Variants in SSH2 observed in about 807,000 individuals in gnomAD.
SSH2 encodes protein phosphatase Slingshot homolog 2.
A neutral mutation model predicts 135.2 loss-of-function variants in SSH2; 37 were observed. The observed-to-expected ratio is 0.27, with a 90% CI of 0.21 to 0.36. The LOEUF is 0.36. Ranked by LOEUF, SSH2 falls within the 10% of genes least tolerant of loss-of-function variation. The pLI, the probability that SSH2 is intolerant of heterozygous loss-of-function variation, is 1.00. For missense variants in SSH2, 1,408 were observed against 1,765.3 expected (o/e 0.80, Z 3.63); for synonymous variants, 628 against 646.2 (o/e 0.97, Z 0.43).
intron 3 of SSH2, among the ~76,000 whole-genome samples, chr17:29,748,740 TG>T (rs1157598792): frequency 3.9e-5 from 6 of 152,162 alleles, no homozygotes; most frequent in African/African-American, 1.4e-4. Flanking sequence ...TAAAACTTCT[TG>T]GTTCTAAGCT....
At chr17:29,739,705 A>G (rs993943170) in intron 3 of SSH2, among the ~76,000 whole-genome samples, 15 of 152,208 alleles carry the variant, frequency 9.9e-5, no homozygotes. Context: ...AGGTGATGTT[A>G]GTATATGAAA....
Position 29,678,093 on chromosome 17 carries a change from A to AT in SSH2, c.480-353dup, listed in dbSNP as rs56386467. Among the ~76,000 whole-genome samples, 198 of 136,026 alleles carry AT rather than the reference A, an allele frequency of 1.5e-3. 1 individual carries two copies. The highest frequency in any genetic ancestry group is 4.0e-3 in the South Asian group (17 of 4,232). The allele number at this position is 136,026 out of a possible 152,430, so 89.2% of individuals were successfully genotyped here. ...TACAGTGTCCACCTCGACTCCAAGG[A>AT]TTTTTTTTTTTTTTTTTTGAGATGG... On this transcript the variant is annotated intron_variant, in intron 6 of 15. Transcript: ENST00000540801.
chr17:29,822,057 G>A (rs9909407), intron 2 of SSH2, among the ~76,000 whole-genome samples: 11,260 of 152,210 alleles, frequency 0.074, 1,363 homozygotes, highest in African/African-American at 0.25. Context: ...AAGGGCAAAG[G>A]CCACACTTAA....
chr17:29,675,270 C>G (rs927578827), intron 8 of SSH2, among the ~76,000 whole-genome samples: 1 of 152,116 alleles, frequency 6.6e-6, no homozygotes, highest in Non-Finnish European at 1.5e-5. Context: ...CACCTCCATC[C>G]TATCAATTCT....
At chr17:29,926,571 AT>A (rs1232301864) in intron 1 of SSH2, among the ~76,000 whole-genome samples, 2 of 150,492 alleles carry the variant, frequency 1.3e-5, no homozygotes, top group African/African-American at 4.9e-5. Flanking sequence ...AAAAAAAAAA[AT>A]CTTAAAATAC....
At chr17:29,849,514 A>G (rs994744697) in intron 1 of SSH2, among the ~76,000 whole-genome samples, 6 of 151,310 alleles carry the variant, frequency 4.0e-5, no homozygotes, top group African/African-American at 1.2e-4. Context: ...GGTGCTGCTA[A>G]TCCTTTGTAG....
chr17:29,797,605 C>A (rs2042180304), intron 2 of SSH2, among the ~76,000 whole-genome samples: 1 of 152,088 alleles, frequency 6.6e-6, no homozygotes, highest in Non-Finnish European at 1.5e-5. Context: ...CTATCACGAA[C>A]AAAGTTATTA....
chr17:29,690,469 C>T (rs2038421657), intron 5 of SSH2, among the ~76,000 whole-genome samples: 1 of 151,132 alleles, frequency 6.6e-6, no homozygotes, highest in South Asian at 2.1e-4. Flanking sequence ...CCCCTGTGTG[C>T]ATGATGTAAG....
At chr17:29,748,579 C>T (rs1045563588) in intron 3 of SSH2, among the ~76,000 whole-genome samples, 8 of 152,012 alleles carry the variant, frequency 5.3e-5, no homozygotes, top group African/African-American at 1.4e-4. Flanking sequence ...ACTCAATTAT[C>T]AATTATTCAG....
chr17:29,767,692 T>C (rs576567433), intron 3 of SSH2, among the ~76,000 whole-genome samples: 10 of 152,108 alleles, frequency 6.6e-5, no homozygotes, highest in Non-Finnish European at 1.5e-4. Flanking sequence ...CCCCTACTTA[T>C]CACTATACCT....
At chr17:29,665,881 T>C (rs1314505774) in intron 11 of SSH2, among the ~76,000 whole-genome samples, 3 of 152,208 alleles carry the variant, frequency 2.0e-5, no homozygotes, top group Admixed American at 1.3e-4. Context: ...ACCAATTTTT[T>C]GGTAATCATA....
At chr17:29,846,370 G>T (rs1352730608) in intron 2 of SSH2, among the ~76,000 whole-genome samples, 1 of 152,190 alleles carries the variant, frequency 6.6e-6, no homozygotes, top group African/African-American at 2.4e-5. Flanking sequence ...CATATAAGGA[G>T]ACTGGTACAT....
intron 3 of SSH2, among the ~76,000 whole-genome samples, chr17:29,722,764 AAC>A (rs2039865186): frequency 6.6e-6 from 1 of 152,200 alleles, no homozygotes; most frequent in Non-Finnish European, 1.5e-5. Flanking sequence ...ACACCGTGGG[AAC>A]AGAGTCAAGC....
intron 1 of SSH2, among the ~76,000 whole-genome samples, chr17:29,885,348 TAAAA>T (rs72403205): frequency 0.064 from 8,083 of 127,102 alleles, 282 homozygotes; most frequent in African/African-American, 0.12. Flanking sequence ...TATTGTATCA[TAAAA>T]AAAAAAAAAA....
intron 11 of SSH2, among the ~76,000 whole-genome samples, chr17:29,656,736 T>A (rs577677424): frequency 5.4e-4 from 83 of 152,306 alleles, no homozygotes; most frequent in Non-Finnish European, 1.0e-3. Flanking sequence ...ATCATACTTT[T>A]TCCCCCTGAA....
At chr17:29,655,461 A>T in intron 12 of SSH2, 100 bp downstream of exon 12, 1 of 1,101,518 alleles carries the variant, frequency 9.1e-7, no homozygotes, top group East Asian at 2.4e-5. Context: ...TGCAACTCTT[A>T]AGATTAAAGT....
chr17:29,666,575 C>T (rs893529659), intron 11 of SSH2, among the ~76,000 whole-genome samples: 8 of 151,966 alleles, frequency 5.3e-5, no homozygotes, highest in Non-Finnish European at 8.8e-5. Flanking sequence ...CCCAGCTACT[C>T]GGGAGGCTGA....
chr17:29,817,988 T>G (rs1264643127), intron 2 of SSH2, among the ~76,000 whole-genome samples: 1 of 152,014 alleles, frequency 6.6e-6, no homozygotes, highest in African/African-American at 2.4e-5. Context: ...CAGGGTGGGC[T>G]CAAACTCCTG....
chr17:29,905,000 G>A (rs2066627265), intron 1 of SSH2, among the ~76,000 whole-genome samples: 2 of 152,132 alleles, frequency 1.3e-5, no homozygotes, highest in African/African-American at 4.8e-5. Context: ...AATCAGAGAG[G>A]ACAGAAACAA....
Sources: gnomAD v4.1 joint callset for allele counts (sites outside exome capture counted in the v4.1 genomes callset) on GRCh38, gnomAD v4.1.1 for gene constraint, MANE v1.5 for transcripts, NCBI Gene and HGNC (gene_info 2026-07-23, HGNC 2026-07-21) for gene names.